The following GRIA1 variants were observed in gnomAD, a reference collection of about 807,000 sequenced individuals.
GRIA1 encodes glutamate ionotropic receptor AMPA type subunit 1.
In GRIA1, 31 loss-of-function variants were observed where a neutral mutation model predicts 99.2. The ratio of observed to expected loss-of-function variants is 0.31; its 90% confidence interval spans 0.23 to 0.42. The LOEUF is 0.42. Among genes scored for constraint, GRIA1 ranks in the 10% least tolerant of loss-of-function variants. GRIA1 has a pLI of 1.00. For synonymous variants in GRIA1, 438 were observed against 432.4 expected (o/e 1.01, Z -0.16); for missense variants, 782 against 1,157.5 (o/e 0.68, Z 4.71).
chr5:153,791,344 G>A (rs571484035), intron 13 of GRIA1, among the ~76,000 whole-genome samples: 1 of 152,028 alleles, frequency 6.6e-6, no homozygotes, highest in East Asian at 1.9e-4. Context: ...GTGAAGTTGT[G>A]AATTAGCATC....
At chr5:153,804,063 C>G (rs1160312436) in intron 15 of GRIA1, among the ~76,000 whole-genome samples, 1 of 152,148 alleles carries the variant, frequency 6.6e-6, no homozygotes, top group African/African-American at 2.4e-5. Flanking sequence ...CATGTTCCCA[C>G]TCATGTGCCT....
chr5:153,655,722 A>G (rs1431989950), intron 4 of GRIA1, 97 bp from the exon 5 acceptor site: 3 of 985,790 alleles, frequency 3.0e-6, no homozygotes, highest in Non-Finnish European at 4.9e-6. Flanking sequence ...GGTAGGGCAC[A>G]TTGTAAGCAC....
At chr5:153,495,066 G>A (rs192252434) in intron 2 of GRIA1, among the ~76,000 whole-genome samples, 2 of 152,268 alleles carry the variant, frequency 1.3e-5, no homozygotes, top group East Asian at 3.9e-4. Context: ...AATAGGCTAT[G>A]CTTTGAAGTC....
At chr5:153,723,572 C>T (rs570792165) in intron 11 of GRIA1, among the ~76,000 whole-genome samples, 58 of 152,322 alleles carry the variant, frequency 3.8e-4, no homozygotes, top group African/African-American at 1.1e-3. Flanking sequence ...ACTTAAAAAA[C>T]GGCGCACCAG....
intron 2 of GRIA1, among the ~76,000 whole-genome samples, chr5:153,633,953 A>G (rs184162846): frequency 1.5e-4 from 23 of 152,306 alleles, no homozygotes; most frequent in Admixed American, 5.2e-4. Context: ...CAAATAAACC[A>G]AAAGTTAAAC....
chr5:153,491,150 G>T, intron 1 of GRIA1, 180 bp downstream of exon 1: 1 of 976,600 alleles, frequency 1.0e-6, no homozygotes. Context: ...CTCCTGATCG[G>T]ATGAGGGGCA....
chr5:153,511,326 G>T (rs1022317685), intron 2 of GRIA1, among the ~76,000 whole-genome samples: 1 of 152,194 alleles, frequency 6.6e-6, no homozygotes, highest in Non-Finnish European at 1.5e-5. Flanking sequence ...GGCAGTGCAG[G>T]TGCAGGTGCA....
chr5:153,679,167 G>A (rs542809049), intron 7 of GRIA1, among the ~76,000 whole-genome samples: 1 of 152,176 alleles, frequency 6.6e-6, no homozygotes, highest in Non-Finnish European at 1.5e-5. Context: ...GATCTATGGT[G>A]TGCCCTGGCT....
chr5:153,797,063 C>T (rs1306072018), intron 14 of GRIA1, among the ~76,000 whole-genome samples: 2 of 152,180 alleles, frequency 1.3e-5, no homozygotes, highest in African/African-American at 4.8e-5. Flanking sequence ...ACTAAAGAGA[C>T]CCCAGGAGGG....
intron 2 of GRIA1, among the ~76,000 whole-genome samples, chr5:153,581,580 C>T (rs180828841): frequency 3.9e-5 from 6 of 152,254 alleles, no homozygotes; most frequent in African/African-American, 1.2e-4. Flanking sequence ...CACATCGAGT[C>T]TCAGCCCAGC....
intron 10 of GRIA1, among the ~76,000 whole-genome samples, chr5:153,699,763 T>G: frequency 6.6e-6 from 1 of 152,202 alleles, no homozygotes; most frequent in Non-Finnish European, 1.5e-5. Context: ...ATCTTTATAG[T>G]GCTCACCACA....
At chr5:153,749,474 T>A (rs1372070977) in intron 11 of GRIA1, among the ~76,000 whole-genome samples, 2 of 152,068 alleles carry the variant, frequency 1.3e-5, no homozygotes, top group Admixed American at 6.6e-5. Flanking sequence ...CTGCTCCCAC[T>A]CACGGAGGAA....
At position 153,553,602 on chromosome 5, in the gene GRIA1, A is replaced by G. The variant is rs145288172; in HGVS notation, c.220+59537A>G. Among the ~76,000 whole-genome samples, 21 of 152,210 alleles carry G rather than the reference A, an allele frequency of 1.4e-4. No homozygotes were observed. In the East Asian group the frequency reaches 3.1e-3, roughly 22 times the overall value. On this transcript the variant is annotated intron_variant, in intron 2 of 15. Transcript: ENST00000285900. ...CCTGTTAGTGCTTGTGAGGAGCCGC[A>G]TGCACAGTGTGTTTACTGAAGTTGT...
chr5:153,688,133 C>A (rs1757468266), intron 8 of GRIA1, among the ~76,000 whole-genome samples: 1 of 152,198 alleles, frequency 6.6e-6, no homozygotes, highest in African/African-American at 2.4e-5. Context: ...TTCTCGCTAA[C>A]CACAGCCTTC....
intron 5 of GRIA1, among the ~76,000 whole-genome samples, chr5:153,674,211 A>T (rs1044839678): frequency 2.0e-5 from 3 of 152,248 alleles, no homozygotes; most frequent in Admixed American, 6.5e-5. Flanking sequence ...CCAGACCTCC[A>T]TTATTCAGAC....
chr5:153,678,933 G>C (rs1464994104), intron 7 of GRIA1, among the ~76,000 whole-genome samples: 3 of 152,196 alleles, frequency 2.0e-5, no homozygotes, highest in Admixed American at 2.0e-4. Flanking sequence ...GGTGGAGAGA[G>C]GACCTCAAGT....
chr5:153,656,348 A>T (rs1370378754), intron 5 of GRIA1, among the ~76,000 whole-genome samples: 1 of 146,598 alleles, frequency 6.8e-6, no homozygotes, highest in Non-Finnish European at 1.5e-5. Context: ...CATTTAGTTT[A>T]TATTCACTTT....
chr5:153,686,299 G>A lies in GRIA1; in HGVS notation c.1104G>A (p.Val368=). The A allele has an allele frequency of 6.2e-7, 1 of 1,613,890 alleles. No individual in the cohort carries two copies. Among genetic ancestry groups the A allele is most frequent in the Non-Finnish European group, 8.5e-7 (1 of 1,179,778 alleles). Residue 368 remains valine (V), a synonymous_variant, in exon 8 of 16, where the codon GTG becomes GTA. Coordinates refer to ENST00000285900, the MANE Select transcript of GRIA1 (RefSeq NM_000827.4). ...GCCGGACCAACTACACGCTCCACGT[G>A]ATTGAAATGAAACATGACGGCATCC... ...KGRRTNYTLH[V]IEMKHDGIRK...
chr5:153,714,577 T>C (rs1051564460), intron 11 of GRIA1, among the ~76,000 whole-genome samples: 1 of 152,240 alleles, frequency 6.6e-6, no homozygotes, highest in African/African-American at 2.4e-5. Context: ...CCTCTTGTTT[T>C]TCTTTTAAAC....
Sources: allele counts gnomAD v4.1 joint callset (sites outside exome capture counted in the v4.1 genomes callset), GRCh38; gene constraint gnomAD v4.1.1; transcripts MANE v1.5; gene names NCBI Gene and HGNC (gene_info 2026-07-23, HGNC 2026-07-21).